Variants in ADAM12 observed in about 807,000 individuals in gnomAD.
ADAM12 encodes disintegrin and metalloproteinase domain-containing protein 12.
In ADAM12, 70 loss-of-function variants were observed where a neutral mutation model predicts 106.4. That is an observed-to-expected ratio of 0.66 (90% CI 0.54 to 0.80). The LOEUF is 0.80. Among genes scored for constraint, ADAM12 ranks in the 30% least tolerant of loss-of-function variants. The pLI is 0.00. For missense variants in ADAM12, 1,010 were observed against 1,171.9 expected, an observed-to-expected ratio of 0.86 and a Z score of 2.02; for synonymous variants, 420 against 433.5, an observed-to-expected ratio of 0.97 and a Z score of 0.39.
Position 126,192,281 on chromosome 10 carries a change from A to G in ADAM12, c.261-36976T>C, listed in dbSNP as rs376386245. On this transcript the variant is annotated intron_variant, in intron 3 of 22. Coordinates refer to ENST00000448723, the MANE Select transcript of ADAM12 (RefSeq NM_001288973.2). ...TGCATGAGTTAATATACATACATAA[A>G]ATGTGTAGAATAGTGCCTGGTACAT... Among the ~76,000 whole-genome samples, 8 of 152,290 alleles carry G rather than the reference A, an allele frequency of 5.3e-5. No individual in the cohort carries two copies. In the East Asian group the frequency reaches 1.5e-3, roughly 29 times the overall value.
At chr10:126,042,293 CAG>C (rs1954195058) in intron 18 of ADAM12, 1 of 1,595,856 alleles carries the variant, frequency 6.3e-7, no homozygotes, top group Non-Finnish European at 8.5e-7. Flanking sequence ...AATAAGAACT[CAG>C]AGAAAACAGC....
At chr10:126,338,102 G>A (rs552621631) in intron 1 of ADAM12, among the ~76,000 whole-genome samples, 23 of 152,228 alleles carry the variant, frequency 1.5e-4, no homozygotes, top group African/African-American at 5.5e-4. Context: ...GAAATTCAAA[G>A]AAAGCTAGTT....
intron 3 of ADAM12, among the ~76,000 whole-genome samples, chr10:126,165,812 G>T (rs1407964667): frequency 6.6e-6 from 1 of 152,126 alleles, no homozygotes; most frequent in African/African-American, 2.4e-5. Flanking sequence ...CTCTTCACAC[G>T]CAATTCAATT....
intron 21 of ADAM12, among the ~76,000 whole-genome samples, chr10:126,023,254 G>T (rs938225648): frequency 6.6e-6 from 1 of 152,154 alleles, no homozygotes; most frequent in East Asian, 1.9e-4. Flanking sequence ...CCTAATGTAG[G>T]TATCATGGAA....
rs952348108 is a variant in ADAM12, at chr10:126,016,009, A to C, written c.*1270T>G. The C allele has an allele frequency of 1.3e-5, 2 of 152,204 alleles. No homozygotes were observed. The highest frequency in any genetic ancestry group is 2.9e-5 in the Non-Finnish European group (2 of 68,042). The allele number at this position is 152,204 out of a possible 1,614,324, so 9.4% of individuals were successfully genotyped here. Reference sequence around the variant, plus strand: ...ATAAGCAAGTTGATTTCCTTATCACATTCTGTGATGCTCAACAGGTAGGTT... The same window carrying C: ...ATAAGCAAGTTGATTTCCTTATCACCTTCTGTGATGCTCAACAGGTAGGTT... On this transcript the variant is annotated 3_prime_UTR_variant, in exon 23 of 23. Coordinates refer to ENST00000448723, the MANE Select transcript of ADAM12 (RefSeq NM_001288973.2).
chr10:126,252,077 A>G (rs1168183280), intron 3 of ADAM12, among the ~76,000 whole-genome samples: 1 of 125,518 alleles, frequency 8.0e-6, no homozygotes, highest in East Asian at 3.1e-4. Flanking sequence ...GGATGGGATG[A>G]ATGGATTAGA....
chr10:126,307,255 G>A (rs1398691727), intron 2 of ADAM12, among the ~76,000 whole-genome samples: 1 of 152,108 alleles, frequency 6.6e-6, no homozygotes, highest in Non-Finnish European at 1.5e-5. Context: ...CGTTTTTGCT[G>A]TTTTACCACA....
Position 126,012,600 on chromosome 10 carries a change from T to G in ADAM12, c.*4679A>C, listed in dbSNP as rs1460268355. The stretch of plus-strand genomic sequence containing the variant: ...AAAATTACTTTGCTGTTTACGTAAC[T>G]GTATCTTTAATCTGTACTGTGCTAA... On this transcript the variant is annotated 3_prime_UTR_variant, in exon 23 of 23. Transcript: ENST00000448723. The G allele has an allele frequency of 6.6e-6, 1 of 152,206 alleles. No homozygotes were observed. Among genetic ancestry groups the G allele is most frequent in the East Asian group, 1.9e-4 (1 of 5,192 alleles). The allele number at this position is 152,206 out of a possible 1,614,324, so 9.4% of individuals were successfully genotyped here.
chr10:126,109,564 G>T (rs917644731), intron 7 of ADAM12, among the ~76,000 whole-genome samples: 7 of 152,068 alleles, frequency 4.6e-5, no homozygotes, highest in African/African-American at 1.7e-4. Flanking sequence ...GTTTTTTCCT[G>T]CAGGCTTTGC....
chr10:126,316,106 C>T (rs1853857785), intron 2 of ADAM12, among the ~76,000 whole-genome samples: 1 of 152,048 alleles, frequency 6.6e-6, no homozygotes, highest in Non-Finnish European at 1.5e-5. Context: ...AATTTTTTAC[C>T]CCTGATGGGC....
At chr10:126,243,890 G>A (rs1211893936) in intron 3 of ADAM12, among the ~76,000 whole-genome samples, 1 of 152,208 alleles carries the variant, frequency 6.6e-6, no homozygotes, top group East Asian at 1.9e-4. Context: ...CTTAACCTCA[G>A]TGACTGTCCT....
intron 17 of ADAM12, among the ~76,000 whole-genome samples, chr10:126,045,042 G>A (rs891922404): frequency 6.6e-6 from 1 of 152,170 alleles, no homozygotes; most frequent in Non-Finnish European, 1.5e-5. Flanking sequence ...CAGCAAATGC[G>A]GGCCTCTCCG....
In ADAM12 at chr10:126,017,154, A is replaced by G. The variant is rs923192679; in HGVS notation, c.*125T>C. 9.5e-5 allele frequency: 81 copies of G among 848,428 alleles called. No individual in the cohort carries two copies. Among genetic ancestry groups the G allele is most frequent in the Non-Finnish European group, 1.3e-4 (71 of 542,310 alleles). 52.6% of individuals were successfully genotyped at this position (848,428 alleles called of 1,614,324 possible). Reference sequence around the variant, plus strand: ...CACAGCACTGACGGCAGTAGCTCAAAGTTCTTATAGTAATGATGTTTTAAA... The same window carrying G: ...CACAGCACTGACGGCAGTAGCTCAAGGTTCTTATAGTAATGATGTTTTAAA... On this transcript the variant is annotated 3_prime_UTR_variant, in exon 23 of 23. Coordinates refer to ENST00000448723, the MANE Select transcript of ADAM12 (RefSeq NM_001288973.2).
At chr10:126,225,437 G>T (rs1239180658) in intron 3 of ADAM12, among the ~76,000 whole-genome samples, 1 of 152,198 alleles carries the variant, frequency 6.6e-6, no homozygotes, top group Non-Finnish European at 1.5e-5. Context: ...AAACCTGCAC[G>T]GGATCGCACG....
intron 3 of ADAM12, among the ~76,000 whole-genome samples, chr10:126,265,865 G>C (rs537114762): frequency 6.6e-6 from 1 of 152,234 alleles, no homozygotes; most frequent in South Asian, 2.1e-4. Context: ...TTATAACCAA[G>C]TTCAAGCAAT....
chr10:126,039,499 A>G lies in ADAM12; in HGVS notation c.2105-70T>C. ...GAAATATGGGAGGTATCAAGTTGTG[A>G]CGTTTATGGCAAAGTGAACTCTGAA... On this transcript the variant is annotated intron_variant, in intron 18 of 22. Transcript: ENST00000448723. The G allele has an allele frequency of 8.8e-6, 14 of 1,589,170 alleles. 1 individual carries two copies. The highest frequency in any genetic ancestry group is 1.2e-5 in the Non-Finnish European group (14 of 1,159,964).
Position 126,279,735 on chromosome 10 carries a change from C to A in ADAM12, c.187-747G>T, listed in dbSNP as rs7092301. 2.1e-3 allele frequency among the ~76,000 whole-genome samples: 24 copies of A among 11,668 alleles called. 3 individuals carry two copies. Among genetic ancestry groups the A allele is most frequent in the Non-Finnish European group, 6.0e-3 (10 of 1,660 alleles). The allele number at this position is 11,668 out of a possible 152,430, so 7.7% of individuals were successfully genotyped here. A position where few individuals can be genotyped will look rare whatever the true frequency, so the allele number is the denominator to read the frequency against. On this transcript the variant is annotated intron_variant, in intron 2 of 22. Coordinates refer to ENST00000448723, the MANE Select transcript of ADAM12 (RefSeq NM_001288973.2). The stretch of plus-strand genomic sequence containing the variant: ...AGAGCGAAACTTCGTCTCAAAAAAA[C>A]AAAAAAAGAAGAAGAAGACAAGAGT...
At chr10:126,288,435 C>A (rs529391906) in intron 2 of ADAM12, among the ~76,000 whole-genome samples, 1 of 152,268 alleles carries the variant, frequency 6.6e-6, no homozygotes, top group Admixed American at 6.5e-5. Flanking sequence ...CAAAAAAAAT[C>A]CAAAATAGGG....
chr10:126,155,112 G>T (rs1330464011), intron 4 of ADAM12, 115 bp downstream of exon 4: 2 of 1,142,250 alleles, frequency 1.8e-6, no homozygotes, highest in Non-Finnish European at 2.6e-6. Flanking sequence ...CGCTTCTTGG[G>T]GGGGCCTAAG....
Sources: gnomAD v4.1 joint callset for allele counts (sites outside exome capture counted in the v4.1 genomes callset) on GRCh38, gnomAD v4.1.1 for gene constraint, MANE v1.5 for transcripts, NCBI Gene and HGNC (gene_info 2026-07-23, HGNC 2026-07-21) for gene names.